The following PDGFD variants were observed in gnomAD, a reference collection of about 807,000 sequenced individuals.
PDGFD encodes platelet-derived growth factor D.
A neutral mutation model predicts 44.7 loss-of-function variants in PDGFD; 30 were observed. The observed-to-expected ratio is 0.67, with a 90% CI of 0.50 to 0.91. The LOEUF (loss-of-function observed/expected upper bound fraction) is 0.91. PDGFD is among the 40% of genes least tolerant of loss of function. The pLI, the probability that PDGFD is intolerant of heterozygous loss-of-function variation, is 0.00. For synonymous variants in PDGFD, 173 were observed against 168.4 expected (o/e 1.03, Z -0.21); for missense variants, 445 against 457.8 (o/e 0.97, Z 0.25).
chr11:103,967,221 CTG>C (rs1859033896), intron 3 of PDGFD, among the ~76,000 whole-genome samples: 2 of 152,212 alleles, frequency 1.3e-5, no homozygotes, highest in Admixed American at 1.3e-4. Context: ...TGTTTTCACT[CTG>C]TATATTGCTT....
At chr11:104,083,401 C>A (rs1298904697) in intron 1 of PDGFD, among the ~76,000 whole-genome samples, 1 of 152,152 alleles carries the variant, frequency 6.6e-6, no homozygotes, top group East Asian at 1.9e-4. Flanking sequence ...GTGAAGTTTT[C>A]TGAGGACATC....
intron 3 of PDGFD, among the ~76,000 whole-genome samples, chr11:103,954,957 G>A (rs1858815676): frequency 2.0e-5 from 3 of 151,572 alleles, no homozygotes; most frequent in South Asian, 4.2e-4. Flanking sequence ...GAGGTCAGGA[G>A]ATCGAGACCA....
chr11:103,913,180 C>A (rs893022427), intron 6 of PDGFD, among the ~76,000 whole-genome samples: 2 of 150,170 alleles, frequency 1.3e-5, no homozygotes, highest in Non-Finnish European at 3.0e-5. Flanking sequence ...CTCCCCACCC[C>A]AAATCAACAG....
chr11:104,035,723 C>T (rs930037520), intron 1 of PDGFD, among the ~76,000 whole-genome samples: 5 of 151,978 alleles, frequency 3.3e-5, no homozygotes, highest in Admixed American at 6.6e-5. Flanking sequence ...TTTTATTGCA[C>T]AAAATGTCTC....
intron 3 of PDGFD, among the ~76,000 whole-genome samples, chr11:103,977,859 C>T (rs1436556363): frequency 2.0e-5 from 3 of 151,924 alleles, no homozygotes; most frequent in Non-Finnish European, 4.4e-5. Context: ...CTAAGGCCAG[C>T]AGTCCAAATG....
intron 1 of PDGFD, among the ~76,000 whole-genome samples, chr11:104,082,137 C>CATATATATATATATATAT (rs937501432): frequency 1.6e-5 from 2 of 123,262 alleles, no homozygotes; most frequent in African/African-American, 6.8e-5. Flanking sequence ...TACATACATA[C>CATATATATATATATATAT]ATATATATAT....
chr11:104,109,272 C>T (rs1182230081), intron 1 of PDGFD, among the ~76,000 whole-genome samples: 2 of 152,048 alleles, frequency 1.3e-5, no homozygotes, highest in Non-Finnish European at 2.9e-5. Flanking sequence ...AAAAATCAGG[C>T]TTGAGCCCTG....
rs778414199 is a variant in PDGFD at position 103,996,215 on chromosome 11, G to A, written c.360C>T (p.Ser120=). ...RYDFVEVEDI[S]ETSTIIRGRW... ...GTCCTCTAATAATGGTACTGGTTTC[G>A]GATATATCTTCAACTTCCACAAAAT... The change falls in exon 3 of 7, where the codon TCC becomes TCT. Residue 120 remains serine, a synonymous_variant. Coordinates refer to ENST00000393158, the MANE Select transcript of PDGFD (RefSeq NM_025208.5). 6.2e-6 allele frequency: 10 copies of A among 1,611,446 alleles called. No individual in the cohort carries two copies. In the South Asian group the frequency reaches 6.6e-5, roughly 11 times the overall value.
intron 1 of PDGFD, among the ~76,000 whole-genome samples, chr11:104,106,042 A>C (rs2059094695): frequency 6.6e-6 from 1 of 152,162 alleles, no homozygotes; most frequent in South Asian, 2.1e-4. Flanking sequence ...TTAAATCTTC[A>C]TTTAAAAAAA....
At chr11:103,985,496 T>C (rs1365652065) in intron 3 of PDGFD, among the ~76,000 whole-genome samples, 1 of 151,678 alleles carries the variant, frequency 6.6e-6, no homozygotes, top group Non-Finnish European at 1.5e-5. Context: ...CTACTGTGCC[T>C]GCCCAAGGGC....
chr11:103,955,671 C>T (rs1037250713), intron 3 of PDGFD, among the ~76,000 whole-genome samples: 5 of 152,104 alleles, frequency 3.3e-5, no homozygotes, highest in Non-Finnish European at 7.4e-5. Flanking sequence ...CAATAATTAA[C>T]AAGAATCAAA....
chr11:103,994,507 A>G (rs987695664), intron 3 of PDGFD, among the ~76,000 whole-genome samples: 1 of 152,236 alleles, frequency 6.6e-6, no homozygotes, highest in African/African-American at 2.4e-5. Flanking sequence ...TTTTTCATTT[A>G]CAATGTTCTG....
chr11:104,062,683 G>T (rs1326612115), intron 1 of PDGFD, among the ~76,000 whole-genome samples: 1 of 152,092 alleles, frequency 6.6e-6, no homozygotes, highest in Non-Finnish European at 1.5e-5. Context: ...TACAAACATT[G>T]TCTGAATTGC....
chr11:104,040,109 C>T (rs908982384), intron 1 of PDGFD, among the ~76,000 whole-genome samples: 1 of 152,048 alleles, frequency 6.6e-6, no homozygotes, highest in Non-Finnish European at 1.5e-5. Context: ...CTGCCAAGAC[C>T]ACATTTAATC....
intron 1 of PDGFD, among the ~76,000 whole-genome samples, chr11:104,053,550 G>GTA (rs1426860188): frequency 6.6e-6 from 1 of 152,134 alleles, no homozygotes; most frequent in Non-Finnish European, 1.5e-5. Flanking sequence ...TTAATTAGCT[G>GTA]TAATAACTAT....
At chr11:104,122,839 ACTCT>A (rs1365886340) in intron 1 of PDGFD, among the ~76,000 whole-genome samples, 1 of 151,870 alleles carries the variant, frequency 6.6e-6, no homozygotes, top group South Asian at 2.1e-4. Flanking sequence ...GATCCTGATG[ACTCT>A]CTATGTATAA....
intron 1 of PDGFD, among the ~76,000 whole-genome samples, chr11:104,127,649 C>T (rs562251332): frequency 3.7e-4 from 57 of 152,114 alleles, no homozygotes; most frequent in African/African-American, 1.1e-3. Flanking sequence ...AAAATTATTA[C>T]GACTTATTCA....
chr11:104,107,013 G>A (rs535010223), intron 1 of PDGFD, among the ~76,000 whole-genome samples: 4 of 152,252 alleles, frequency 2.6e-5, no homozygotes, highest in Admixed American at 6.5e-5. Context: ...CCAAAGTGCT[G>A]GGATTAGAGG....
chr11:103,988,861 T>C (rs1334984049), intron 3 of PDGFD, among the ~76,000 whole-genome samples: 3 of 152,214 alleles, frequency 2.0e-5, no homozygotes, highest in Non-Finnish European at 4.4e-5. Flanking sequence ...TTAAATTCTA[T>C]ATTTTCCCTA....
Sources: allele counts gnomAD v4.1 joint callset (sites outside exome capture counted in the v4.1 genomes callset), GRCh38; gene constraint gnomAD v4.1.1; transcripts MANE v1.5; gene names NCBI Gene and HGNC (gene_info 2026-07-23, HGNC 2026-07-21).